The following KIF13A variants were observed in gnomAD, a reference collection of about 807,000 sequenced individuals.
The protein encoded by KIF13A is kinesin family member 13A.
In KIF13A, 79 loss-of-function variants were observed where a neutral mutation model predicts 212.2. That is an observed-to-expected ratio of 0.37 (90% confidence interval 0.31 to 0.45). KIF13A has a LOEUF of 0.45. Among genes scored for constraint, KIF13A ranks in the 20% least tolerant of loss-of-function variants. KIF13A has a pLI of 1.00. For missense variants in KIF13A, 1,901 were observed against 2,209.0 expected (o/e 0.86, Z 2.79); for synonymous variants, 789 against 808.6 (o/e 0.98, Z 0.41).
rs1184305529 is a variant in KIF13A at position 17,912,741 on chromosome 6, C to T, written c.147-14561G>A. Among the ~76,000 whole-genome samples the T allele has an allele frequency of 6.6e-6, 1 of 152,120 alleles. No homozygotes were observed. The highest frequency in any genetic ancestry group is 2.4e-5 in the African/African-American group (1 of 41,432). On this transcript the variant is annotated intron_variant, in intron 2 of 38. Coordinates refer to ENST00000259711, the MANE Select transcript of KIF13A (RefSeq NM_022113.6). This position sits in a 1 kb window ranked among gnomAD's most constrained non-coding sequence, Gnocchi z 4.2. ...GGGATCACATGAAAATAAACACATC[C>T]TCCCAGTAATGATTTGGAAGCACTG...
chr6:17,761,190 T>G (rs1758566424), downstream of KIF13A, among the ~76,000 whole-genome samples: 1 of 152,122 alleles, frequency 6.6e-6, no homozygotes, highest in South Asian at 2.1e-4. Context: ...CAGAAAAAAT[T>G]TTAAACTGTC....
In KIF13A at chr6:17,777,722, T is replaced by C. The variant is rs1051281936; in HGVS notation, c.4093-368A>G. 6.6e-6 allele frequency among the ~76,000 whole-genome samples: 1 copy of C among 152,198 alleles called. No homozygotes were observed. Among genetic ancestry groups the C allele is most frequent in the African/African-American group, 2.4e-5 (1 of 41,464 alleles). ...TTATTCTAATTATAAAAGTAACATATGTTTATTTATAGATTTAAATATAGA... is the reference window on the plus strand; with the variant it reads ...TTATTCTAATTATAAAAGTAACATACGTTTATTTATAGATTTAAATATAGA... On this transcript the variant is annotated intron_variant, in intron 33 of 38. Transcript: ENST00000259711. This position sits in a 1 kb window ranked among gnomAD's most constrained non-coding sequence, Gnocchi z 4.4.
At position 17,776,299 on chromosome 6, in the gene KIF13A, G is replaced by C. The variant is rs1265167044; in HGVS notation, c.4170+978C>G. ...CATTTTTTCTACTGTCTAGTATTCTGCTTTATACAGAATTATAGGGAATTT... is the reference window on the plus strand; with the variant it reads ...CATTTTTTCTACTGTCTAGTATTCTCCTTTATACAGAATTATAGGGAATTT... On this transcript the variant is annotated intron_variant, in intron 34 of 38. Coordinates refer to ENST00000259711, the MANE Select transcript of KIF13A (RefSeq NM_022113.6). The surrounding 1 kb of genome is among the most constrained non-coding windows in gnomAD (Gnocchi z 4.6). Among the ~76,000 whole-genome samples, 1 of 151,938 alleles carries C rather than the reference G, an allele frequency of 6.6e-6. No individual in the cohort carries two copies. The highest frequency in any genetic ancestry group is 1.9e-4 in the East Asian group (1 of 5,194).
intron 3 of KIF13A, among the ~76,000 whole-genome samples, chr6:17,894,167 C>G (rs1009773222): frequency 6.8e-6 from 1 of 146,316 alleles, no homozygotes; most frequent in Non-Finnish European, 1.5e-5. Flanking sequence ...AGACAGGGTT[C>G]TGTCGCCCAG....
chr6:17,830,994 G>A (rs577213521), intron 13 of KIF13A, 107 bp downstream of exon 13: 1 of 1,011,514 alleles, frequency 9.9e-7, no homozygotes, highest in African/African-American at 1.6e-5. Context: ...TTTACTGAGG[G>A]CTAAGCTGGA....
At chr6:17,882,939 G>GTA (rs1445268793) in intron 3 of KIF13A, among the ~76,000 whole-genome samples, 1 of 152,240 alleles carries the variant, frequency 6.6e-6, no homozygotes, top group South Asian at 2.1e-4. Context: ...CTGTATGTGT[G>GTA]TATATATATG....
At chr6:17,907,832 T>C (rs779650713) in intron 2 of KIF13A, among the ~76,000 whole-genome samples, 10 of 152,198 alleles carry the variant, frequency 6.6e-5, no homozygotes, top group Non-Finnish European at 1.2e-4. Flanking sequence ...GCAGACAGCA[T>C]TGACTGCCAT....
rs1454248847 is a variant in KIF13A at position 17,799,693 on chromosome 6, AC to A, written c.2617-255del. On this transcript the variant is annotated intron_variant, in intron 21 of 38. Transcript: ENST00000259711. The surrounding 1 kb of genome is among the most constrained non-coding windows in gnomAD (Gnocchi z 4.4). ...AAAGCTTCCTAATGACTGAGATGCA[AC>A]CTTTAATAGAAAAACATAATTCACT... is the stretch of plus-strand genomic sequence containing the variant. Among the ~76,000 whole-genome samples the A allele has an allele frequency of 1.3e-5, 2 of 152,320 alleles. No homozygotes were observed. The highest frequency in any genetic ancestry group is 4.1e-4 in the South Asian group (2 of 4,828).
chr6:17,781,964 T>C (rs548601312), intron 29 of KIF13A, among the ~76,000 whole-genome samples: 1 of 151,876 alleles, frequency 6.6e-6, no homozygotes, highest in East Asian at 2.0e-4. Flanking sequence ...TGAGATGGAG[T>C]CCCGCTCTGT....
In KIF13A at chr6:17,836,965, A is replaced by G. The variant is rs1476371276; in HGVS notation, c.1068T>C (p.Ala356=). ...TTGCGTTGGGGTCCTCATTCACAACAGCATGGTTCACAATCCTTTTGGCTC... is the reference window on the plus strand; with the variant it reads ...TTGCGTTGGGGTCCTCATTCACAACGGCATGGTTCACAATCCTTTTGGCTC... ...ADRAKRIVNH[A]VVNEDPNAKV... Residue 356 remains alanine, a synonymous_variant, in exon 11 of 39, where the codon GCT becomes GCC. Transcript: ENST00000259711. 1.2e-6 allele frequency: 2 copies of G among 1,613,938 alleles called. No individual in the cohort carries two copies. Among genetic ancestry groups the G allele is most frequent in the Admixed American group, 3.3e-5 (2 of 60,004 alleles).
At chr6:17,795,155 G>T (rs1451268331) in intron 23 of KIF13A, 1 of 156,126 alleles carries the variant, frequency 6.4e-6, no homozygotes, top group Non-Finnish European at 1.4e-5. Context: ...CATCCATATG[G>T]ATATAAACAG....
intron 16 of KIF13A, among the ~76,000 whole-genome samples, chr6:17,820,139 G>A (rs960725565): frequency 6.6e-6 from 1 of 152,160 alleles, no homozygotes; most frequent in South Asian, 2.1e-4. Context: ...CACAGGCCAC[G>A]TGAGTGAGGC....
At chr6:17,761,387 A>T (rs902253942), downstream of KIF13A, among the ~76,000 whole-genome samples, 2 of 147,654 alleles carry the variant, frequency 1.4e-5, no homozygotes, top group South Asian at 2.1e-4. Context: ...GGCCGCCAAA[A>T]TTTTTTTTTT....
intron 2 of KIF13A, among the ~76,000 whole-genome samples, chr6:17,941,809 C>T (rs1298220036): frequency 6.6e-6 from 1 of 150,948 alleles, no homozygotes; most frequent in African/African-American, 2.4e-5. Context: ...TTTTGGTTCC[C>T]AATTCACAGT....
At chr6:17,894,172 G>A (rs528029382) in intron 3 of KIF13A, among the ~76,000 whole-genome samples, 5 of 143,946 alleles carry the variant, frequency 3.5e-5, no homozygotes, top group Admixed American at 7.2e-5. Flanking sequence ...GGGTTCTGTC[G>A]CCCAGGCTGG....
intron 35 of KIF13A, 114 bp downstream of exon 35, chr6:17,774,901 T>C (rs1759807407): frequency 1.5e-6 from 1 of 683,980 alleles, no homozygotes; most frequent in African/African-American, 1.9e-5. Context: ...TTTCTTTTTT[T>C]TTAAACTGAC....
chr6:17,839,805 T>C lies in KIF13A; in HGVS notation c.831-2222A>G, dbSNP rs904720536. ...CAAGACAGGGAACGCCGAGGATTGA[T>C]GGCCCTACAGAAACAAGGGGAGAGG... On this transcript the variant is annotated intron_variant, in intron 9 of 38. Transcript: ENST00000259711. The surrounding 1 kb of genome is among the most constrained non-coding windows in gnomAD (Gnocchi z 4.3). 6.6e-6 allele frequency among the ~76,000 whole-genome samples: 1 copy of C among 152,132 alleles called. No homozygotes were observed. The highest frequency in any genetic ancestry group is 2.4e-5 in the African/African-American group (1 of 41,426).
rs1489734619 is a variant in KIF13A at position 17,852,085 on chromosome 6, C to T, written c.495-43G>A. The T allele has an allele frequency of 8.3e-6, 9 of 1,088,586 alleles. No individual in the cohort carries two copies. The African/African-American group carries it at 1.5e-4, about 18-fold the overall frequency. 67.4% of individuals were successfully genotyped at this position (1,088,586 alleles called of 1,614,324 possible). On this transcript the variant is annotated intron_variant, in intron 6 of 38. Transcript: ENST00000259711. ...AAGGAATAAATGAATCACACCAAAGCTGGAAGCTTTTCTTTCTCTTTAAGT... is the reference window on the plus strand; with the variant it reads ...AAGGAATAAATGAATCACACCAAAGTTGGAAGCTTTTCTTTCTCTTTAAGT...
intron 4 of KIF13A, among the ~76,000 whole-genome samples, chr6:17,868,989 CAAAAAAAAAAAAA>C (rs71002278): frequency 3.8e-4 from 8 of 20,920 alleles, no homozygotes; most frequent in South Asian, 6.0e-3. Context: ...GACTCCCTCT[CAAAAAAAAAAAAA>C]AAAAAAAAAA....
Sources: allele counts gnomAD v4.1 joint callset (sites outside exome capture counted in the v4.1 genomes callset), GRCh38; gene constraint gnomAD v4.1.1; non-coding constraint Gnocchi (gnomAD v3.1); transcripts MANE v1.5; gene names NCBI Gene and HGNC (gene_info 2026-07-23, HGNC 2026-07-21).